Variants in TRIM61 observed in about 807,000 individuals in gnomAD.
The protein encoded by TRIM61 is putative tripartite motif-containing protein 61.
In TRIM61, 1 loss-of-function variant was observed where a neutral mutation model predicts 14.2. The observed-to-expected ratio is 0.07, with a 90% CI of 0.03 to 0.33. The LOEUF (loss-of-function observed/expected upper bound fraction) is 0.33, where lower values mean the gene tolerates loss of function less well. Ranked by LOEUF, TRIM61 falls within the 10% of genes least tolerant of loss-of-function variation. The pLI, the probability that TRIM61 is intolerant of heterozygous loss-of-function variation, is 0.99. For synonymous variants in TRIM61, 8 were observed against 71.6 expected, an observed-to-expected ratio of 0.11 and a Z score of 4.49; for missense variants, 19 against 202.2, an observed-to-expected ratio of 0.09 and a Z score of 5.49.
intron 3 of TRIM61, among the ~76,000 whole-genome samples, chr4:164,965,079 GA>G (rs914879775): frequency 3.3e-5 from 5 of 152,196 alleles, no homozygotes; most frequent in African/African-American, 1.2e-4. Flanking sequence ...CTTGAGATCA[GA>G]AGTTTGAGAC....
At chr4:164,964,064 A>G (rs1361498327) in intron 3 of TRIM61, among the ~76,000 whole-genome samples, 2 of 152,002 alleles carry the variant, frequency 1.3e-5, no homozygotes, top group Non-Finnish European at 2.9e-5. Flanking sequence ...AACTAGAGAA[A>G]AATGGCCGGG....
At chr4:164,963,717 C>T (rs532718183) in intron 3 of TRIM61, among the ~76,000 whole-genome samples, 2 of 148,614 alleles carry the variant, frequency 1.3e-5, no homozygotes, top group African/African-American at 5.0e-5. Flanking sequence ...GCACTCCAGC[C>T]TGGGCAACAA....
chr4:164,960,426 G>C (rs140268057), intron 3 of TRIM61, among the ~76,000 whole-genome samples: 3,198 of 151,986 alleles, frequency 0.021, 99 homozygotes, highest in African/African-American at 0.067. Flanking sequence ...ATGGTGGCAG[G>C]CTCCTGTAAT....
chr4:164,958,085 G>T (rs1048775785), intron 3 of TRIM61: 2 of 167,006 alleles, frequency 1.2e-5, no homozygotes, highest in Non-Finnish European at 2.9e-5. Flanking sequence ...ATCCAAAAAA[G>T]ATTAAGGCTG....
rs913069689 is a variant in TRIM61 at position 164,956,891 on chromosome 4, C to G, written c.526-1795G>C. On this transcript the variant is annotated intron_variant, in intron 3 of 4. Coordinates refer to ENST00000329314, the MANE Select transcript of TRIM61 (RefSeq NM_001012414.3). ...TTTCTCCCAGGAGGCTGGGCGAGTC[C>G]GTAGCGGAAGTCGGAGCGGCAGAGC... The G allele has an allele frequency of 2.6e-5, 23 of 898,874 alleles. No individual in the cohort carries two copies. The African/African-American group carries it at 3.3e-4, about 13-fold the overall frequency. The allele number at this position is 898,874 out of a possible 1,614,324, so 55.7% of individuals were successfully genotyped here.
chr4:164,968,111 C>T (rs904977511), intron 3 of TRIM61, 170 bp downstream of exon 3: 2 of 945,188 alleles, frequency 2.1e-6, no homozygotes, highest in Non-Finnish European at 2.5e-6. Flanking sequence ...GAGATCCTGG[C>T]CATTGCACTC....
chr4:164,965,423 A>G (rs2111141353), intron 3 of TRIM61, among the ~76,000 whole-genome samples: 1 of 149,594 alleles, frequency 6.7e-6, no homozygotes, highest in South Asian at 2.1e-4. Context: ...ATTAAATCTC[A>G]TGCTTATAGA....
intron 3 of TRIM61, chr4:164,969,027 C>A (rs1732301635): frequency 4.8e-6 from 5 of 1,045,498 alleles, no homozygotes; most frequent in Non-Finnish European, 5.8e-6. Flanking sequence ...TTATGAGGTA[C>A]ATTTTGTGTT....
intron 3 of TRIM61, among the ~76,000 whole-genome samples, chr4:164,956,731 G>A (rs576473825): frequency 6.6e-6 from 1 of 152,048 alleles, no homozygotes; most frequent in East Asian, 1.9e-4. Flanking sequence ...GGCGGGGCAG[G>A]GAGAGCCCTC....
At chr4:164,966,873 G>A (rs1397222192) in intron 3 of TRIM61, among the ~76,000 whole-genome samples, 1 of 152,084 alleles carries the variant, frequency 6.6e-6, no homozygotes, top group African/African-American at 2.4e-5. Flanking sequence ...GTTGCAGTGA[G>A]ACGAGATAAT....
intron 3 of TRIM61, among the ~76,000 whole-genome samples, chr4:164,956,104 CG>C (rs1731982390): frequency 6.6e-6 from 1 of 152,196 alleles, no homozygotes; most frequent in African/African-American, 2.4e-5. Context: ...CTCGTTCTGT[CG>C]TCCAGACTGA....
At chr4:164,955,639 A>C (rs1731970013) in intron 3 of TRIM61, among the ~76,000 whole-genome samples, 1 of 151,868 alleles carries the variant, frequency 6.6e-6, no homozygotes, top group Non-Finnish European at 1.5e-5. Context: ...TTTACAGAAA[A>C]CTTAAAGGGA....
At chr4:164,975,639 G>A (rs557484080) in intron 2 of TRIM61, among the ~76,000 whole-genome samples, 3 of 152,236 alleles carry the variant, frequency 2.0e-5, no homozygotes, top group Non-Finnish European at 4.4e-5. Flanking sequence ...AAAAGTCATC[G>A]CCATTCTCTA....
intron 3 of TRIM61, among the ~76,000 whole-genome samples, chr4:164,964,927 G>A (rs1456340607): frequency 6.6e-6 from 1 of 152,040 alleles, no homozygotes; most frequent in Non-Finnish European, 1.5e-5. Flanking sequence ...TTTCACCAAC[G>A]TCATCCTATT....
intron 3 of TRIM61, among the ~76,000 whole-genome samples, chr4:164,959,490 C>T (rs566803519): frequency 3.4e-5 from 5 of 148,450 alleles, no homozygotes; most frequent in Non-Finnish European, 7.5e-5. Context: ...AGTCATTTTC[C>T]TTGTGCTGTG....
At chr4:164,975,154 C>G (rs1324907183) in intron 2 of TRIM61, among the ~76,000 whole-genome samples, 5 of 151,668 alleles carry the variant, frequency 3.3e-5, no homozygotes, top group Admixed American at 3.3e-4. Flanking sequence ...TGGCTCAAAC[C>G]AGGGGGCAGA....
chr4:164,971,079 C>T (rs527284617), intron 2 of TRIM61, among the ~76,000 whole-genome samples: 3 of 151,780 alleles, frequency 2.0e-5, no homozygotes, highest in South Asian at 4.2e-4. Flanking sequence ...CCAGCCCCAG[C>T]GACAGAGTGA....
chr4:164,967,201 C>A (rs1434749754), intron 3 of TRIM61, among the ~76,000 whole-genome samples: 2 of 152,112 alleles, frequency 1.3e-5, no homozygotes, highest in Non-Finnish European at 2.9e-5. Context: ...TTAAATAACA[C>A]GTACACTAAA....
At chr4:164,958,169 C>G (rs1025008862) in intron 3 of TRIM61, 5 of 167,070 alleles carry the variant, frequency 3.0e-5, no homozygotes, top group African/African-American at 1.2e-4. Context: ...TTAGAATTGT[C>G]TTCCCAGGAG....
Sources: allele counts gnomAD v4.1 joint callset (sites outside exome capture counted in the v4.1 genomes callset), GRCh38; gene constraint gnomAD v4.1.1; transcripts MANE v1.5; gene names NCBI Gene and HGNC (gene_info 2026-07-23, HGNC 2026-07-21).